SLC35E3: variants seen among roughly 807,000 people sequenced by gnomAD.
The protein encoded by SLC35E3 is solute carrier family 35 member E3, also known as bladder cancer-overexpressed gene 1 protein.
A neutral mutation model predicts 30.8 loss-of-function variants in SLC35E3; 28 were observed. That is an observed-to-expected ratio of 0.91 (90% CI 0.67 to 1.25). The LOEUF is 1.25. Ranked by LOEUF, SLC35E3 falls within the 50% of genes most tolerant of loss-of-function variation. The pLI is 0.00. For synonymous variants in SLC35E3, 146 were observed against 149.2 expected (o/e 0.98, Z 0.16); for missense variants, 365 against 375.4 (o/e 0.97, Z 0.23).
At position 68,764,930 on chromosome 12, in the gene SLC35E3, TAAAAAA is replaced by T. The variant is rs1879339280; in HGVS notation, c.*41_*46del. On this transcript the variant is annotated 3_prime_UTR_variant, in exon 5 of 5. Coordinates refer to ENST00000398004, the MANE Select transcript of SLC35E3 (RefSeq NM_018656.5). The stretch of plus-strand genomic sequence containing the variant: ...AGAAAAGAATGTTGTCCCAAGAAGA[TAAAAAA>T]TATTGTTAAGTGTGCAAGTTATTAA... 4 of 1,579,440 alleles carry T rather than the reference TAAAAAA, an allele frequency of 2.5e-6. No homozygotes were observed. The Admixed American group carries it at 5.4e-5, about 21-fold the overall frequency.
chr12:68,754,270 G>T (rs1459671541), intron 3 of SLC35E3, among the ~76,000 whole-genome samples: 1 of 151,642 alleles, frequency 6.6e-6, no homozygotes, highest in African/African-American at 2.4e-5. Flanking sequence ...TTTTGTTGTT[G>T]TTGTTGTTTT....
rs1878578745 is a variant in SLC35E3 at position 68,746,582 on chromosome 12, C to G, written c.205C>G (p.Pro69Ala). 6.2e-7 allele frequency: 1 copy of G among 1,614,204 alleles called. No homozygotes were observed. Residue 69 changes from proline to alanine, a missense_variant, in exon 1 of 5, where the codon CCC becomes GCC. Coordinates refer to ENST00000398004, the MANE Select transcript of SLC35E3 (RefSeq NM_018656.5). Reference protein sequence around the residue: ...YICQKLDIFAPKSLPPSRLLL... With the variant: ...YICQKLDIFAAKSLPPSRLLL... ...CTGCCAGAAGCTGGACATCTTTGCCCCCAAAAGTCTGCCGCCCTCCAGGCT... is the reference window on the plus strand; with the variant it reads ...CTGCCAGAAGCTGGACATCTTTGCCGCCAAAAGTCTGCCGCCCTCCAGGCT...
chr12:68,747,898 T>G, intron 1 of SLC35E3, 32 bp from the exon 2 acceptor site: 1 of 1,176,162 alleles, frequency 8.5e-7, no homozygotes. Context: ...TTGAATTTAA[T>G]CTGAACAACA....
chr12:68,754,259 A>G (rs1878919570), intron 3 of SLC35E3, among the ~76,000 whole-genome samples: 2 of 151,552 alleles, frequency 1.3e-5, no homozygotes, highest in Admixed American at 6.6e-5. Context: ...TCCAGGGTCT[A>G]TTTTGTTGTT....
In SLC35E3 at chr12:68,764,622, G is replaced by C. The variant is rs148753926; in HGVS notation, c.756-82G>C. The C allele has an allele frequency of 4.0e-4, 533 of 1,341,990 alleles. 3 individuals carry two copies. The East Asian group carries it at 0.011, about 27-fold the overall frequency. The allele number at this position is 1,341,990 out of a possible 1,614,324, so 83.1% of individuals were successfully genotyped here. On this transcript the variant is annotated intron_variant, in intron 4 of 4. Transcript: ENST00000398004. ...TTTACATCTGATGGGCTGCTTTTGG[G>C]TTGTTTTATGCAGTGCGAGTGTGTG...
At chr12:68,747,100 C>T (rs1878613738) in intron 1 of SLC35E3, among the ~76,000 whole-genome samples, 1 of 152,124 alleles carries the variant, frequency 6.6e-6, no homozygotes, top group African/African-American at 2.4e-5. Context: ...CAAAAACAGC[C>T]TTTCTCCCCC....
chr12:68,752,329 G>A, intron 3 of SLC35E3, 139 bp downstream of exon 3: 1 of 921,716 alleles, frequency 1.1e-6, no homozygotes, highest in Non-Finnish European at 1.6e-6. Context: ...AGGAGGTAAG[G>A]TAAGGATTCT....
At chr12:68,758,070 C>T (rs984879101) in intron 3 of SLC35E3, among the ~76,000 whole-genome samples, 13 of 148,054 alleles carry the variant, frequency 8.8e-5, no homozygotes, top group Non-Finnish European at 1.8e-4. Flanking sequence ...CTAGACTAGG[C>T]GACAGAATGA....
rs1198854573 is a variant in SLC35E3 at position 68,746,557 on chromosome 12, C to G, written c.180C>G (p.Ile60Met). 29 of 1,614,082 alleles carry G rather than the reference C, an allele frequency of 1.8e-5. No homozygotes were observed. Among genetic ancestry groups the G allele is most frequent in the Non-Finnish European group, 2.4e-5 (28 of 1,180,018 alleles). The change falls in exon 1 of 5, where the codon ATC becomes ATG. Residue 60 changes from isoleucine to methionine, a missense_variant. By Grantham distance (10) the Ile-to-Met change is conservative. Transcript: ENST00000398004. ...HFVVTWLGLY[I>M]CQKLDIFAPK... ...TGGTCACCTGGCTGGGCTTGTATAT[C>G]TGCCAGAAGCTGGACATCTTTGCCC...
chr12:68,769,701 G>A lies in SLC35E3; in HGVS notation c.*4811G>A, dbSNP rs548494259. On this transcript the variant is annotated 3_prime_UTR_variant, in exon 5 of 5. Coordinates refer to ENST00000398004, the MANE Select transcript of SLC35E3 (RefSeq NM_018656.5). ...AGAAAGGAGACCGGATTTATTAGAT[G>A]TGGTCCGTTTTGTCTTTCTGTTCCC... 12 of 152,262 alleles carry A rather than the reference G, an allele frequency of 7.9e-5. No individual in the cohort carries two copies. The highest frequency in any genetic ancestry group is 2.6e-4 in the African/African-American group (11 of 41,558). The allele number at this position is 152,262 out of a possible 1,614,324, so 9.4% of individuals were successfully genotyped here. A position where few individuals can be genotyped will look rare whatever the true frequency, so the allele number is the denominator to read the frequency against.
At chr12:68,757,517 C>T (rs1337773041) in intron 3 of SLC35E3, among the ~76,000 whole-genome samples, 8 of 152,094 alleles carry the variant, frequency 5.3e-5, no homozygotes, top group African/African-American at 9.7e-5. Context: ...CATTTGTCCC[C>T]CTGTGCCCAG....
chr12:68,753,609 T>A (rs975314229), intron 3 of SLC35E3, among the ~76,000 whole-genome samples: 5 of 152,140 alleles, frequency 3.3e-5, no homozygotes, highest in Non-Finnish European at 7.4e-5. Flanking sequence ...GTGTGTATAA[T>A]TTTAGATATG....
In SLC35E3 at chr12:68,772,061, C is replaced by G. The variant is rs1004165211; in HGVS notation, c.*7171C>G. ...AATTTTTATTTTTTATTTTTTGAGA[C>G]AGAGTTTCCTCTGTCTCCCAGGCTT... is the stretch of plus-strand genomic sequence containing the variant. On this transcript the variant is annotated 3_prime_UTR_variant, in exon 5 of 5. Coordinates refer to ENST00000398004, the MANE Select transcript of SLC35E3 (RefSeq NM_018656.5). 1 of 151,248 alleles carries G rather than the reference C, an allele frequency of 6.6e-6. No individual in the cohort carries two copies. The highest frequency in any genetic ancestry group is 1.5e-5 in the Non-Finnish European group (1 of 67,890). The allele number at this position is 151,248 out of a possible 1,614,324, so 9.4% of individuals were successfully genotyped here. A position where few individuals can be genotyped will look rare whatever the true frequency, so the allele number is the denominator to read the frequency against.
chr12:68,746,229 C>G lies in SLC35E3; in HGVS notation c.-149C>G. On this transcript the variant is annotated 5_prime_UTR_variant, in exon 1 of 5. Transcript: ENST00000398004. Reference sequence around the variant, plus strand: ...GGGTGTGTGTCCTCTGTTAAGAGTGCTACTCGCCCGGGGTTGATCTGTGCA... The same window carrying G: ...GGGTGTGTGTCCTCTGTTAAGAGTGGTACTCGCCCGGGGTTGATCTGTGCA... The G allele has an allele frequency of 1.4e-6, 1 of 691,302 alleles. No individual in the cohort carries two copies. The allele number at this position is 691,302 out of a possible 1,614,324, so 42.8% of individuals were successfully genotyped here. A position where few individuals can be genotyped will look rare whatever the true frequency, so the allele number is the denominator to read the frequency against.
intron 4 of SLC35E3, among the ~76,000 whole-genome samples, chr12:68,764,275 AAG>A (rs1343889690): frequency 1.3e-5 from 2 of 152,132 alleles, no homozygotes; most frequent in Non-Finnish European, 1.5e-5. Flanking sequence ...AACCTACCTG[AAG>A]AAACTAAGAA....
chr12:68,774,620 C>G lies in SLC35E3; in HGVS notation c.*9730C>G, dbSNP rs11177367. ...AGGTATATTGGTGTGCACCTGTGGT[C>G]TCAGCTACTCAGGAAGCTGAAGCAG... On this transcript the variant is annotated 3_prime_UTR_variant, in exon 5 of 5. Coordinates refer to ENST00000398004, the MANE Select transcript of SLC35E3 (RefSeq NM_018656.5). 2 of 151,724 alleles carry G rather than the reference C, an allele frequency of 1.3e-5. No homozygotes were observed. The highest frequency in any genetic ancestry group is 2.9e-5 in the Non-Finnish European group (2 of 68,274). The allele number at this position is 151,724 out of a possible 1,614,324, so 9.4% of individuals were successfully genotyped here.
chr12:68,756,344 A>G (rs1195678347), intron 3 of SLC35E3, among the ~76,000 whole-genome samples: 3 of 150,668 alleles, frequency 2.0e-5, no homozygotes, highest in African/African-American at 7.3e-5. Context: ...AGACCACAGC[A>G]GGCTGAGGCC....
chr12:68,761,562 GA>G (rs1879233988), intron 4 of SLC35E3, among the ~76,000 whole-genome samples: 1 of 152,122 alleles, frequency 6.6e-6, no homozygotes, highest in South Asian at 2.1e-4. Context: ...TCTACCACCA[GA>G]TGCCAGTAGC....
At chr12:68,753,704 C>G (rs1053122154) in intron 3 of SLC35E3, among the ~76,000 whole-genome samples, 16 of 152,002 alleles carry the variant, frequency 1.1e-4, no homozygotes, top group Admixed American at 7.2e-4. Context: ...TCCATTACCC[C>G]CTAATCTTCC....
Sources: allele counts gnomAD v4.1 joint callset (sites outside exome capture counted in the v4.1 genomes callset), GRCh38; gene constraint gnomAD v4.1.1; transcripts MANE v1.5; gene names NCBI Gene and HGNC (gene_info 2026-07-23, HGNC 2026-07-21).